Variants in NCALD observed in about 807,000 individuals in gnomAD.
NCALD encodes the protein neurocalcin-delta.
In NCALD, 10 loss-of-function variants were observed where a neutral mutation model predicts 18.6. The observed-to-expected ratio is 0.54, with a 90% CI of 0.33 to 0.91. The LOEUF (loss-of-function observed/expected upper bound fraction) is 0.91, where lower values mean the gene tolerates loss of function less well. NCALD is among the 40% of genes least tolerant of loss of function. The pLI, the probability that NCALD is intolerant of heterozygous loss-of-function variation, is 0.03. For synonymous variants in NCALD, 88 were observed against 87.4 expected (o/e 1.01, Z -0.04); for missense variants, 184 against 247.6 (o/e 0.74, Z 1.72).
chr8:102,009,295 G>T (rs1478983045), intron 2 of NCALD, among the ~76,000 whole-genome samples: 2 of 152,204 alleles, frequency 1.3e-5, no homozygotes, highest in Non-Finnish European at 2.9e-5. Context: ...TCCTTTCAAA[G>T]ATTTAAGCTC....
chr8:101,715,762 A>T (rs1816048595), intron 2 of NCALD, among the ~76,000 whole-genome samples: 1 of 152,236 alleles, frequency 6.6e-6, no homozygotes, highest in Non-Finnish European at 1.5e-5. Flanking sequence ...GCAAAACCAC[A>T]ATGAGATACC....
At position 101,892,889 on chromosome 8, in the gene NCALD, G is replaced by A. The variant is rs999414427; in HGVS notation, c.-106-5662C>T. On this transcript the variant is annotated intron_variant, in intron 3 of 6. Coordinates refer to the NCALD transcript ENST00000311028. ...GAAAAAACCAAATCTACATCTGATT[G>A]GTGTACCAGAAAGTGATGGGGAGAA... 2.0e-5 allele frequency among the ~76,000 whole-genome samples: 3 copies of A among 149,672 alleles called. 1 individual carries two copies. The highest frequency in any genetic ancestry group is 7.6e-5 in the African/African-American group (3 of 39,332).
At chr8:101,812,776 G>A (rs1197536939) in intron 4 of NCALD, among the ~76,000 whole-genome samples, 1 of 152,088 alleles carries the variant, frequency 6.6e-6, no homozygotes, top group Non-Finnish European at 1.5e-5. Context: ...AACTCCTCAG[G>A]GCCTCTGTAG....
At chr8:101,795,282 G>T (rs1812597588), upstream of NCALD, among the ~76,000 whole-genome samples, 1 of 152,160 alleles carries the variant, frequency 6.6e-6, no homozygotes, top group Non-Finnish European at 1.5e-5. Context: ...AAGTGCCAGG[G>T]TCTCAGATAA....
upstream of NCALD, among the ~76,000 whole-genome samples, chr8:101,791,169 C>T (rs1013341966): frequency 2.0e-5 from 3 of 152,172 alleles, no homozygotes; most frequent in Non-Finnish European, 4.4e-5. Context: ...ATAGAACCAT[C>T]ACGGACAGCT....
chr8:101,873,202 C>G (rs1259384940), intron 4 of NCALD, among the ~76,000 whole-genome samples: 2 of 152,222 alleles, frequency 1.3e-5, no homozygotes, highest in Non-Finnish European at 2.9e-5. Flanking sequence ...CATTTCTGCA[C>G]TACATTCCAA....
chr8:101,773,320 GTTC>G (rs1400043737), intron 1 of NCALD, among the ~76,000 whole-genome samples: 1 of 152,162 alleles, frequency 6.6e-6, no homozygotes, highest in African/African-American at 2.4e-5. Context: ...CCGTGGGTTT[GTTC>G]TTCTCTCCCT....
chr8:101,888,850 C>CTGTCAGCAGGA (rs1277680413), intron 3 of NCALD, among the ~76,000 whole-genome samples: 1 of 152,188 alleles, frequency 6.6e-6, no homozygotes, highest in Non-Finnish European at 1.5e-5. Flanking sequence ...GAAAACAACC[C>CTGTCAGCAGGA]TGTCAGCAGT....
intron 1 of NCALD, among the ~76,000 whole-genome samples, chr8:101,773,524 A>C (rs1811669975): frequency 6.6e-6 from 1 of 152,112 alleles, no homozygotes; most frequent in South Asian, 2.1e-4. Context: ...CAGATTTAGA[A>C]TTTTGCCAGG....
intron 4 of NCALD, among the ~76,000 whole-genome samples, chr8:101,801,643 CTTTTTTTTTTTTTTTTTTTTTTT>C (rs71268530): frequency 0.011 from 498 of 44,174 alleles, 8 homozygotes; most frequent in Middle Eastern, 0.037. Flanking sequence ...AGCACACTTA[CTTTTTTTTTTTTTTTTTTTTTTT>C]TTTTTTTTTT....
intron 4 of NCALD, among the ~76,000 whole-genome samples, chr8:101,852,841 T>G (rs946164963): frequency 2.6e-5 from 4 of 152,192 alleles, no homozygotes; most frequent in African/African-American, 4.8e-5. Context: ...AGCCTAATGA[T>G]GTTTGGTATT....
In NCALD at chr8:101,780,571, G is replaced by A. The variant is rs1811969868; in HGVS notation, c.-20+10291C>T. Among the ~76,000 whole-genome samples, 3 of 152,156 alleles carry A rather than the reference G, an allele frequency of 2.0e-5. No homozygotes were observed. In the South Asian group the frequency reaches 6.2e-4, roughly 32 times the overall value. Reference sequence around the variant, plus strand: ...TGGTTGGCAGGGGCTGATGGGGAGGGGTGAATAGGGAGTGAGTTTAATGGG... The same window carrying A: ...TGGTTGGCAGGGGCTGATGGGGAGGAGTGAATAGGGAGTGAGTTTAATGGG... On this transcript the variant is annotated intron_variant, in intron 1 of 3. Coordinates refer to ENST00000220931, the MANE Select transcript of NCALD (RefSeq NM_032041.3).
chr8:101,796,438 T>C (rs1005673651), intron 4 of NCALD, among the ~76,000 whole-genome samples: 5 of 152,144 alleles, frequency 3.3e-5, no homozygotes, highest in African/African-American at 1.2e-4. Context: ...CTAATTTGTA[T>C]GTTCAAGAAA....
chr8:102,041,797 G>C (rs1216926507), intron 1 of NCALD, among the ~76,000 whole-genome samples: 4 of 149,726 alleles, frequency 2.7e-5, no homozygotes, highest in Non-Finnish European at 4.4e-5. Flanking sequence ...ACAGCAGTCT[G>C]AATGCAAAGG....
At chr8:101,713,922 C>T (rs1282777783) in intron 2 of NCALD, among the ~76,000 whole-genome samples, 1 of 152,134 alleles carries the variant, frequency 6.6e-6, no homozygotes, top group East Asian at 1.9e-4. Flanking sequence ...TCTGAAAAGG[C>T]CTTCAATAAA....
chr8:101,880,289 G>A (rs1475227098), intron 4 of NCALD, among the ~76,000 whole-genome samples: 1 of 152,162 alleles, frequency 6.6e-6, no homozygotes, highest in African/African-American at 2.4e-5. Context: ...CCAGCCGCTC[G>A]GAGTGCGGGG....
intron 4 of NCALD, among the ~76,000 whole-genome samples, chr8:101,832,377 C>T (rs1814226557): frequency 6.6e-6 from 1 of 152,198 alleles, no homozygotes; most frequent in Non-Finnish European, 1.5e-5. Context: ...ATTTGAACTT[C>T]TTCCTCTCCC....
intron 2 of NCALD, among the ~76,000 whole-genome samples, chr8:101,951,007 C>T (rs1034140580): frequency 6.6e-6 from 1 of 152,172 alleles, no homozygotes; most frequent in African/African-American, 2.4e-5. Flanking sequence ...CTTCCTCTTA[C>T]CCTTTGGTTT....
At chr8:101,972,242 G>A (rs1820267227) in intron 2 of NCALD, among the ~76,000 whole-genome samples, 1 of 152,192 alleles carries the variant, frequency 6.6e-6, no homozygotes, top group Admixed American at 6.5e-5. Flanking sequence ...AAAGCAGTGA[G>A]GAGACAGGGC....
Sources: gnomAD v4.1 joint callset for allele counts (sites outside exome capture counted in the v4.1 genomes callset) on GRCh38, gnomAD v4.1.1 for gene constraint, MANE v1.5 for transcripts, NCBI Gene and HGNC (gene_info 2026-07-23, HGNC 2026-07-21) for gene names.